FLRT2: variants seen among roughly 807,000 people sequenced by gnomAD.
FLRT2 encodes leucine-rich repeat transmembrane protein FLRT2.
A neutral mutation model predicts 40.0 loss-of-function variants in FLRT2; 15 were observed. That is an observed-to-expected ratio of 0.38 (90% CI 0.25 to 0.58). The LOEUF is 0.58. Among genes scored for constraint, FLRT2 ranks in the 20% least tolerant of loss-of-function variants. FLRT2 has a pLI of 0.71. For synonymous variants in FLRT2, 380 were observed against 336.8 expected, an observed-to-expected ratio of 1.13 and a Z score of -1.41; for missense variants, 726 against 840.0, an observed-to-expected ratio of 0.86 and a Z score of 1.68.
intron 1 of FLRT2, among the ~76,000 whole-genome samples, chr14:85,580,811 G>A (rs1446063288): frequency 6.6e-6 from 1 of 152,014 alleles, no homozygotes; most frequent in African/African-American, 2.4e-5. Flanking sequence ...TTTTTCCTCT[G>A]GGGTTTTACT....
At chr14:85,583,731 A>C (rs114159383) in intron 1 of FLRT2, among the ~76,000 whole-genome samples, 1,575 of 152,280 alleles carry the variant, frequency 0.01, 23 homozygotes, top group African/African-American at 0.035. Context: ...CATGCCCTAG[A>C]AAGAGCAGAG....
Position 85,635,437 on chromosome 14 carries a change from T to A in FLRT2, c.*11940T>A, listed in dbSNP as rs1274260493. On this transcript the variant is annotated 3_prime_UTR_variant, in exon 2 of 2. Transcript: ENST00000330753. ...ATACAAACTATATTACTAAGTAGAC[T>A]ATTAATAAAACACTTTATTTAAGTC... 1 of 152,148 alleles carries A rather than the reference T, an allele frequency of 6.6e-6. No homozygotes were observed. Among genetic ancestry groups the A allele is most frequent in the Non-Finnish European group, 1.5e-5 (1 of 67,996 alleles). 9.4% of individuals were successfully genotyped at this position (152,148 alleles called of 1,614,324 possible). A position where few individuals can be genotyped will look rare whatever the true frequency, so the allele number is the denominator to read the frequency against.
chr14:85,541,503 A>G (rs558809844), intron 1 of FLRT2, among the ~76,000 whole-genome samples: 57 of 152,308 alleles, frequency 3.7e-4, no homozygotes, highest in African/African-American at 1.2e-3. Flanking sequence ...GGAGATGGAC[A>G]GTCTTACTCT....
Position 85,645,343 on chromosome 14 carries a change from T to C in FLRT2, c.*21846T>C, listed in dbSNP as rs1894272355. On this transcript the variant is annotated 3_prime_UTR_variant, in exon 2 of 2. Coordinates refer to ENST00000330753, the MANE Select transcript of FLRT2 (RefSeq NM_013231.6). ...ATAAATGTGTGCGTGTATATATATA[T>C]GATTGGCTGAGTGCTCTATTTGTTG... 1 of 152,050 alleles carries C rather than the reference T, an allele frequency of 6.6e-6. No homozygotes were observed. Among genetic ancestry groups the C allele is most frequent in the Non-Finnish European group, 1.5e-5 (1 of 68,024 alleles). 9.4% of individuals were successfully genotyped at this position (152,050 alleles called of 1,614,324 possible). A position where few individuals can be genotyped will look rare whatever the true frequency, so the allele number is the denominator to read the frequency against.
At position 85,639,645 on chromosome 14, in the gene FLRT2, A is replaced by G. The variant is rs1479658932; in HGVS notation, c.*16148A>G. On this transcript the variant is annotated 3_prime_UTR_variant, in exon 2 of 2. Coordinates refer to ENST00000330753, the MANE Select transcript of FLRT2 (RefSeq NM_013231.6). The stretch of plus-strand genomic sequence containing the variant: ...ATTAGAGTGTGTGTTAGTAGAATTT[A>G]TATTTATAGACTATTGATATTATTA... The G allele has an allele frequency of 2.0e-5, 3 of 152,012 alleles. No homozygotes were observed. Among genetic ancestry groups the G allele is most frequent in the African/African-American group, 7.2e-5 (3 of 41,386 alleles). 9.4% of individuals were successfully genotyped at this position (152,012 alleles called of 1,614,324 possible).
In FLRT2 at chr14:85,635,534, TTA is replaced by T. The variant is rs1481038719; in HGVS notation, c.*12039_*12040del. 1.3e-5 allele frequency: 2 copies of T among 152,192 alleles called. No individual in the cohort carries two copies. The highest frequency in any genetic ancestry group is 2.1e-4 in the South Asian group (1 of 4,828). The allele number at this position is 152,192 out of a possible 1,614,324, so 9.4% of individuals were successfully genotyped here. A position where few individuals can be genotyped will look rare whatever the true frequency, so the allele number is the denominator to read the frequency against. The stretch of plus-strand genomic sequence containing the variant: ...ATTGTTTATTAAAATATTAAATATT[TTA>T]TGTTTTCAAGCCATTATATAACAGC... On this transcript the variant is annotated 3_prime_UTR_variant, in exon 2 of 2. Transcript: ENST00000330753.
In FLRT2 at chr14:85,636,091, T is replaced by G. The variant is rs1893991741; in HGVS notation, c.*12594T>G. ...TACCTGTTCTTTCATAAGCTGTTAT[T>G]TATGCTTCTCATTAATTAGTTCTTT... On this transcript the variant is annotated 3_prime_UTR_variant, in exon 2 of 2. Transcript: ENST00000330753. 1 of 152,126 alleles carries G rather than the reference T, an allele frequency of 6.6e-6. No individual in the cohort carries two copies. 9.4% of individuals were successfully genotyped at this position (152,126 alleles called of 1,614,324 possible).
In FLRT2 at chr14:85,630,260, C is replaced by T. The variant is rs1240644757; in HGVS notation, c.*6763C>T. On this transcript the variant is annotated 3_prime_UTR_variant, in exon 2 of 2. Transcript: ENST00000330753. ...AAACTATATGTCATTTTAGCACACACATACCAATGGGTGATCATATCTGTC... is the reference window on the plus strand; with the variant it reads ...AAACTATATGTCATTTTAGCACACATATACCAATGGGTGATCATATCTGTC... 1 of 141,864 alleles carries T rather than the reference C, an allele frequency of 7.0e-6. No individual in the cohort carries two copies. The highest frequency in any genetic ancestry group is 1.5e-5 in the Non-Finnish European group (1 of 65,630). The allele number at this position is 141,864 out of a possible 1,614,324, so 8.8% of individuals were successfully genotyped here. A position where few individuals can be genotyped will look rare whatever the true frequency, so the allele number is the denominator to read the frequency against.
intron 1 of FLRT2, among the ~76,000 whole-genome samples, chr14:85,604,961 T>A (rs1246671337): frequency 6.6e-6 from 1 of 152,170 alleles, no homozygotes; most frequent in Non-Finnish European, 1.5e-5. Flanking sequence ...GAGTTCAGAA[T>A]CATCACAGGT....
intron 1 of FLRT2, among the ~76,000 whole-genome samples, chr14:85,545,438 C>G (rs1301664860): frequency 5.9e-5 from 9 of 152,176 alleles, no homozygotes; most frequent in Non-Finnish European, 1.2e-4. Context: ...TAGATGGACA[C>G]TGGATAATTT....
In FLRT2 at chr14:85,634,853, C is replaced by T. The variant is rs979435544; in HGVS notation, c.*11356C>T. 2.6e-5 allele frequency: 4 copies of T among 152,156 alleles called. No homozygotes were observed. Among genetic ancestry groups the T allele is most frequent in the South Asian group, 2.1e-4 (1 of 4,826 alleles). The allele number at this position is 152,156 out of a possible 1,614,324, so 9.4% of individuals were successfully genotyped here. A position where few individuals can be genotyped will look rare whatever the true frequency, so the allele number is the denominator to read the frequency against. On this transcript the variant is annotated 3_prime_UTR_variant, in exon 2 of 2. Coordinates refer to ENST00000330753, the MANE Select transcript of FLRT2 (RefSeq NM_013231.6). ...CTTTGTATCTTGGATAAGACCACTT[C>T]TCTCTCGGGCTTGTTTCTTATAGTC...
At chr14:85,533,357 G>A (rs1888411903) in intron 1 of FLRT2, among the ~76,000 whole-genome samples, 1 of 151,982 alleles carries the variant, frequency 6.6e-6, no homozygotes, top group African/African-American at 2.4e-5. Context: ...GCAGTAGTGT[G>A]GTCTGAGCAG....
Position 85,626,549 on chromosome 14 carries a change from T to C in FLRT2, c.*3052T>C, listed in dbSNP as rs1162068107. 1 of 167,078 alleles carries C rather than the reference T, an allele frequency of 6.0e-6. No individual in the cohort carries two copies. Among genetic ancestry groups the C allele is most frequent in the Non-Finnish European group, 1.5e-5 (1 of 68,126 alleles). 10.3% of individuals were successfully genotyped at this position (167,078 alleles called of 1,614,324 possible). A position where few individuals can be genotyped will look rare whatever the true frequency, so the allele number is the denominator to read the frequency against. On this transcript the variant is annotated 3_prime_UTR_variant, in exon 2 of 2. Transcript: ENST00000330753. ...TCAAAAGGATATATTGACAGTTATC[T>C]ATAGCCAGGGTAGTTGTTAATACCT...
chr14:85,611,505 A>G (rs748645863), intron 1 of FLRT2, among the ~76,000 whole-genome samples: 6 of 152,196 alleles, frequency 3.9e-5, no homozygotes, highest in Non-Finnish European at 7.3e-5. Flanking sequence ...AAAGCACAAC[A>G]TGTGAAGTTG....
At chr14:85,603,426 G>A (rs1232625737) in intron 1 of FLRT2, among the ~76,000 whole-genome samples, 1 of 152,208 alleles carries the variant, frequency 6.6e-6, no homozygotes, top group Non-Finnish European at 1.5e-5. Context: ...AGCATATAAA[G>A]AATAGCTGTG....
Position 85,619,545 on chromosome 14 carries a change from A to G in FLRT2, c.-376-1594A>G, listed in dbSNP as rs138726363. ...TTTTGAGATGGCTTAACAATCTTTT[A>G]AATTATAGAACACATTTACAACATC... On this transcript the variant is annotated intron_variant, in intron 1 of 1. Transcript: ENST00000330753. Among the ~76,000 whole-genome samples, 1,041 of 152,314 alleles carry G rather than the reference A, an allele frequency of 6.8e-3. 7 individuals are homozygous for G. The highest frequency in any genetic ancestry group is 0.024 in the African/African-American group (1,004 of 41,566).
rs1463120174 is a variant in FLRT2 at position 85,649,191 on chromosome 14, T to C, written c.*25694T>C. ...CTGGAAATTTACAAACTATTAATTT[T>C]CTTTTCTACAGTTTCCTCCAGAAAG... On this transcript the variant is annotated 3_prime_UTR_variant, in exon 2 of 2. Transcript: ENST00000330753. The C allele has an allele frequency of 2.6e-5, 4 of 152,032 alleles. No individual in the cohort carries two copies. Among genetic ancestry groups the C allele is most frequent in the Non-Finnish European group, 5.9e-5 (4 of 67,990 alleles). The allele number at this position is 152,032 out of a possible 1,614,324, so 9.4% of individuals were successfully genotyped here. A position where few individuals can be genotyped will look rare whatever the true frequency, so the allele number is the denominator to read the frequency against.
intron 1 of FLRT2, among the ~76,000 whole-genome samples, chr14:85,575,763 T>G (rs977371900): frequency 2.0e-5 from 3 of 152,178 alleles, no homozygotes; most frequent in Non-Finnish European, 4.4e-5. Flanking sequence ...TGAGCCTGGC[T>G]TTGTTGCCCT....
intron 1 of FLRT2, among the ~76,000 whole-genome samples, chr14:85,564,688 A>G (rs1357157801): frequency 6.6e-6 from 1 of 152,090 alleles, no homozygotes; most frequent in East Asian, 2.0e-4. Flanking sequence ...GGGTAACTCT[A>G]TTACAGAAAA....
Sources: gnomAD v4.1 joint callset for allele counts (sites outside exome capture counted in the v4.1 genomes callset) on GRCh38, gnomAD v4.1.1 for gene constraint, MANE v1.5 for transcripts, NCBI Gene and HGNC (gene_info 2026-07-23, HGNC 2026-07-21) for gene names.